Variants in PDE4D observed in about 807,000 individuals in gnomAD.
PDE4D encodes phosphodiesterase 4D.
Under a neutral mutation model 87.4 loss-of-function variants are expected in PDE4D, and 24 were observed. The ratio of observed to expected loss-of-function variants is 0.27; its 90% CI spans 0.20 to 0.39. The LOEUF is 0.39. PDE4D is among the 10% of genes least tolerant of loss of function. PDE4D has a pLI of 1.00. For missense variants in PDE4D, 714 were observed against 1,041.0 expected (o/e 0.69, Z 4.32); for synonymous variants, 384 against 383.2 (o/e 1.00, Z -0.02).
chr5:60,104,116 G>T (rs1398478931), intron 2 of PDE4D, among the ~76,000 whole-genome samples: 1 of 152,180 alleles, frequency 6.6e-6, no homozygotes, highest in Non-Finnish European at 1.5e-5. Context: ...TCAAAGAAAG[G>T]GGTGACAGAC....
chr5:59,053,362 T>C (rs960651753), intron 5 of PDE4D, among the ~76,000 whole-genome samples: 6 of 142,072 alleles, frequency 4.2e-5, no homozygotes, highest in Admixed American at 1.4e-4. Context: ...TGGGTGTACA[T>C]ACACACACAC....
At chr5:59,586,392 T>C in intron 1 of PDE4D, 1 of 1,610,138 alleles carries the variant, frequency 6.2e-7, no homozygotes, top group Non-Finnish European at 8.5e-7. Context: ...AGATCTTCTG[T>C]CATTAATATT....
At chr5:59,498,401 T>C (rs1297213364) in intron 1 of PDE4D, among the ~76,000 whole-genome samples, 1 of 151,464 alleles carries the variant, frequency 6.6e-6, no homozygotes, top group African/African-American at 2.4e-5. Flanking sequence ...TAACATAAAA[T>C]ATTAACTTTG....
intron 1 of PDE4D, among the ~76,000 whole-genome samples, chr5:59,567,682 T>C (rs528702239): frequency 2.0e-5 from 3 of 152,184 alleles, no homozygotes; most frequent in Non-Finnish European, 2.9e-5. Flanking sequence ...CTTATATTTA[T>C]GTATTTCAAC....
chr5:59,546,663 C>A (rs1051395901), intron 1 of PDE4D, among the ~76,000 whole-genome samples: 1 of 152,012 alleles, frequency 6.6e-6, no homozygotes, highest in African/African-American at 2.4e-5. Context: ...ACCTAGAAAG[C>A]AACAATTTAG....
Position 58,975,096 on chromosome 5 carries a change from A to G in PDE4D, c.2014-16T>C, listed in dbSNP as rs1227466214. The G allele has an allele frequency of 1.4e-6, 2 of 1,448,946 alleles. No homozygotes were observed. Among genetic ancestry groups the G allele is most frequent in the Admixed American group, 2.4e-5 (1 of 41,540 alleles). The allele number at this position is 1,448,946 out of a possible 1,614,324, so 89.8% of individuals were successfully genotyped here. The stretch of plus-strand genomic sequence containing the variant: ...TGAAGCCCACCTAGTTAAGAAAAAA[A>G]TCCAGTATGAGTAGAGGACTTGGGA... On this transcript the variant is annotated splice_polypyrimidine_tract_variant and intron_variant, in intron 14 of 14. Transcript: ENST00000340635. This position sits in a 1 kb window ranked among gnomAD's most constrained non-coding sequence, Gnocchi z 4.2.
intron 5 of PDE4D, among the ~76,000 whole-genome samples, chr5:59,175,806 T>C (rs1216131108): frequency 1.8e-4 from 16 of 87,922 alleles, no homozygotes; most frequent in South Asian, 3.9e-4. Flanking sequence ...TTTTTTTTTT[T>C]ACTTTAGGAG....
At chr5:60,395,596 A>C (rs1186982630) in intron 1 of PDE4D, among the ~76,000 whole-genome samples, 1 of 152,178 alleles carries the variant, frequency 6.6e-6, no homozygotes, top group Non-Finnish European at 1.5e-5. Flanking sequence ...CTAGAAGTAA[A>C]TGTAATAAGT....
chr5:59,435,494 G>C (rs1054258680), intron 1 of PDE4D, among the ~76,000 whole-genome samples: 1 of 152,080 alleles, frequency 6.6e-6, no homozygotes, highest in Non-Finnish European at 1.5e-5. Context: ...TCTCTGGCTG[G>C]CTAATTCCTT....
chr5:59,574,005 A>AAAATAT (rs1266408182), intron 1 of PDE4D, among the ~76,000 whole-genome samples: 8 of 119,684 alleles, frequency 6.7e-5, no homozygotes, highest in African/African-American at 2.5e-4. Flanking sequence ...CTCAAAAAAA[A>AAAATAT]ATATATATAT....
At chr5:60,280,007 T>A (rs1478163304) in intron 1 of PDE4D, among the ~76,000 whole-genome samples, 1 of 151,900 alleles carries the variant, frequency 6.6e-6, no homozygotes, top group Non-Finnish European at 1.5e-5. Context: ...AAGCTCCAAG[T>A]CTGGTATATA....
intron 1 of PDE4D, among the ~76,000 whole-genome samples, chr5:59,870,044 C>T (rs1747596113): frequency 2.0e-5 from 3 of 152,086 alleles, no homozygotes; most frequent in Admixed American, 2.0e-4. Flanking sequence ...ATTTGTTGCC[C>T]ACATACCATT....
intron 1 of PDE4D, among the ~76,000 whole-genome samples, chr5:59,811,911 A>G (rs1418173112): frequency 6.6e-6 from 1 of 152,226 alleles, no homozygotes; most frequent in Non-Finnish European, 1.5e-5. Flanking sequence ...AAATTCCCTC[A>G]TATCTCTACC....
At chr5:60,150,596 A>T (rs1158579241) in intron 2 of PDE4D, among the ~76,000 whole-genome samples, 1 of 152,182 alleles carries the variant, frequency 6.6e-6, no homozygotes, top group Admixed American at 6.5e-5. Flanking sequence ...TCGCATGGTA[A>T]ATAGCCATTT....
chr5:59,814,926 T>C (rs1399196681), intron 1 of PDE4D, among the ~76,000 whole-genome samples: 1 of 152,180 alleles, frequency 6.6e-6, no homozygotes, highest in African/African-American at 2.4e-5. Flanking sequence ...GTAATTTACA[T>C]GAGAAGGGAC....
intron 2 of PDE4D, among the ~76,000 whole-genome samples, chr5:60,094,163 C>T (rs1375000641): frequency 6.6e-6 from 1 of 152,040 alleles, no homozygotes; most frequent in Non-Finnish European, 1.5e-5. Flanking sequence ...TTAGTAAGGC[C>T]AAGTTTCCCT....
intron 1 of PDE4D, among the ~76,000 whole-genome samples, chr5:59,550,604 T>A (rs917244848): frequency 2.6e-5 from 4 of 152,148 alleles, no homozygotes; most frequent in Non-Finnish European, 5.9e-5. Context: ...TTCTTTAAAG[T>A]TGGGGTTTTA....
chr5:60,458,502 A>C (rs758479191), intron 1 of PDE4D, among the ~76,000 whole-genome samples: 3 of 151,952 alleles, frequency 2.0e-5, no homozygotes, highest in Non-Finnish European at 4.4e-5. Flanking sequence ...GCTTCATTAT[A>C]CATCAAAATT....
chr5:59,846,208 G>T (rs1581393885), intron 1 of PDE4D, among the ~76,000 whole-genome samples: 1 of 152,058 alleles, frequency 6.6e-6, no homozygotes, highest in East Asian at 1.9e-4. Flanking sequence ...GGTGGTACTG[G>T]ACACACACTG....
Sources: gnomAD v4.1 joint callset for allele counts (sites outside exome capture counted in the v4.1 genomes callset) on GRCh38, gnomAD v4.1.1 for gene constraint, Gnocchi (gnomAD v3.1) non-coding constraint, MANE v1.5 for transcripts, NCBI Gene and HGNC (gene_info 2026-07-23, HGNC 2026-07-21) for gene names.